RALGAPA1: variants seen among roughly 807,000 people sequenced by gnomAD.
RALGAPA1 encodes ral GTPase-activating protein subunit alpha-1.
In RALGAPA1, 52 loss-of-function variants were observed where a neutral mutation model predicts 269.6. The ratio of observed to expected loss-of-function variants is 0.19; its 90% CI spans 0.15 to 0.24. The LOEUF (loss-of-function observed/expected upper bound fraction) is 0.24. Ranked by LOEUF, RALGAPA1 falls within the 10% of genes least tolerant of loss-of-function variation. The probability of loss-of-function intolerance (pLI) is 1.00; values close to 1 mark genes in which losing one functional copy is unlikely to be tolerated. For synonymous variants in RALGAPA1, 817 were observed against 1,008.3 expected (o/e 0.81, Z 3.60); for missense variants, 1,917 against 3,013.9 (o/e 0.64, Z 8.52).
chr14:35,788,095 C>G (rs934443839), intron 1 of RALGAPA1, among the ~76,000 whole-genome samples: 3 of 152,096 alleles, frequency 2.0e-5, no homozygotes, highest in Admixed American at 1.3e-4. Context: ...CCTCAGCCTC[C>G]CGGGTAGCTG....
intron 21 of RALGAPA1, among the ~76,000 whole-genome samples, chr14:35,683,087 T>C (rs1003646870): frequency 6.6e-6 from 1 of 152,168 alleles, no homozygotes; most frequent in Non-Finnish European, 1.5e-5. Context: ...CTGGAGTGGA[T>C]AACCACTCAT....
chr14:35,716,253 C>T (rs1331259344), intron 16 of RALGAPA1: 6 of 179,926 alleles, frequency 3.3e-5, no homozygotes, highest in Admixed American at 6.5e-5. Context: ...ATTAGCTAGG[C>T]GTGGTGGTGT....
At chr14:35,557,314 A>AAAAC (rs2055720803) in intron 39 of RALGAPA1, among the ~76,000 whole-genome samples, 1 of 150,262 alleles carries the variant, frequency 6.7e-6, no homozygotes, top group African/African-American at 2.5e-5. Flanking sequence ...AAAAAAAAAA[A>AAAAC]CCCAAATAAG....
intron 1 of RALGAPA1, among the ~76,000 whole-genome samples, chr14:35,793,423 G>A (rs2076336500): frequency 6.6e-6 from 1 of 151,944 alleles, no homozygotes; most frequent in Non-Finnish European, 1.5e-5. Flanking sequence ...TTTTAGTAGA[G>A]ACAGGGTTTC....
chr14:35,558,516 G>T (rs1594569894), intron 39 of RALGAPA1, among the ~76,000 whole-genome samples: 1 of 152,128 alleles, frequency 6.6e-6, no homozygotes. Context: ...TAATCTGATG[G>T]GCTAAAAATA....
chr14:35,792,122 G>GTTTT (rs1179926534), intron 1 of RALGAPA1, among the ~76,000 whole-genome samples: 1 of 151,982 alleles, frequency 6.6e-6, no homozygotes, highest in Non-Finnish European at 1.5e-5. Flanking sequence ...ATAGGCAAAG[G>GTTTT]AAAGCCATAG....
At chr14:35,778,973 A>T (rs545764978) in intron 1 of RALGAPA1, among the ~76,000 whole-genome samples, 10 of 152,230 alleles carry the variant, frequency 6.6e-5, no homozygotes, top group Non-Finnish European at 1.5e-4. Flanking sequence ...CAGAGAGTCT[A>T]AGAAACTTAG....
intron 1 of RALGAPA1, among the ~76,000 whole-genome samples, chr14:35,785,652 G>A (rs933679572): frequency 5.3e-5 from 8 of 152,074 alleles, no homozygotes; most frequent in African/African-American, 1.9e-4. Flanking sequence ...AGTGCTTTAC[G>A]ACAAATGTAT....
intron 1 of RALGAPA1, among the ~76,000 whole-genome samples, chr14:35,790,387 T>C (rs1036212063): frequency 6.6e-6 from 1 of 152,144 alleles, no homozygotes; most frequent in African/African-American, 2.4e-5. Flanking sequence ...AGTACCATAG[T>C]GTTAGAAACC....
chr14:35,757,475 G>C (rs931902292), intron 6 of RALGAPA1, among the ~76,000 whole-genome samples: 1 of 152,028 alleles, frequency 6.6e-6, no homozygotes, highest in South Asian at 2.1e-4. Context: ...ATGTGACAAA[G>C]GGATGGACAG....
At position 35,539,396 on chromosome 14, in the gene RALGAPA1, T is replaced by G. The variant is rs2053763183; in HGVS notation, c.*318A>C. On this transcript the variant is annotated 3_prime_UTR_variant, in exon 42 of 42. Coordinates refer to ENST00000680220, the MANE Select transcript of RALGAPA1 (RefSeq NM_001346249.2). ...ATCTTTAATATTAAGCTACAAATTA[T>G]TTAAAATTATTTAAATCCAGTGTTT... is the stretch of plus-strand genomic sequence containing the variant. 1 of 677,538 alleles carries G rather than the reference T, an allele frequency of 1.5e-6. No homozygotes were observed. Among genetic ancestry groups the G allele is most frequent in the Non-Finnish European group, 2.2e-6 (1 of 455,870 alleles). The allele number at this position is 677,538 out of a possible 1,614,324, so 42.0% of individuals were successfully genotyped here.
chr14:35,632,981 C>A (rs2061446862), intron 33 of RALGAPA1, among the ~76,000 whole-genome samples: 1 of 152,164 alleles, frequency 6.6e-6, no homozygotes, highest in Admixed American at 6.5e-5. Context: ...GTCCTTAAAA[C>A]CTTTGAGGAA....
At chr14:35,696,548 G>C (rs933180761) in intron 17 of RALGAPA1, among the ~76,000 whole-genome samples, 7 of 151,428 alleles carry the variant, frequency 4.6e-5, no homozygotes, top group Admixed American at 4.6e-4. Flanking sequence ...AAAATGGGCT[G>C]GGAACAAATA....
At chr14:35,713,548 G>C (rs1378158262) in intron 16 of RALGAPA1, among the ~76,000 whole-genome samples, 1 of 152,066 alleles carries the variant, frequency 6.6e-6, no homozygotes, top group Non-Finnish European at 1.5e-5. Context: ...TGATGAGGAG[G>C]AATCCAAAGT....
chr14:35,571,140 C>G (rs2057155627), intron 38 of RALGAPA1, among the ~76,000 whole-genome samples: 2 of 152,176 alleles, frequency 1.3e-5, no homozygotes, highest in African/African-American at 4.8e-5. Flanking sequence ...TTTTGTGACA[C>G]TAGCTTTACT....
chr14:35,605,811 G>A, intron 35 of RALGAPA1, 102 bp from the exon 36 acceptor site: 1 of 1,350,488 alleles, frequency 7.4e-7, no homozygotes, highest in Non-Finnish European at 1.0e-6. Context: ...ATAAAAAGAT[G>A]AAAAAGAATT....
chr14:35,735,923 G>A (rs1377433735), intron 12 of RALGAPA1, among the ~76,000 whole-genome samples: 2 of 152,140 alleles, frequency 1.3e-5, no homozygotes, highest in Admixed American at 6.5e-5. Flanking sequence ...TGGCCTTATA[G>A]ACCATTATAA....
chr14:35,620,763 A>G (rs1186138133), intron 35 of RALGAPA1, among the ~76,000 whole-genome samples: 2 of 152,216 alleles, frequency 1.3e-5, no homozygotes, highest in African/African-American at 4.8e-5. Flanking sequence ...CCCATTCACA[A>G]TTGCTACAAA....
intron 30 of RALGAPA1, among the ~76,000 whole-genome samples, chr14:35,652,364 T>TTTTATATA (rs2062887052): frequency 6.8e-6 from 1 of 147,894 alleles, no homozygotes; most frequent in East Asian, 2.0e-4. Flanking sequence ...GGCCTTTTGT[T>TTTTATATA]TATATATATA....
Sources: gnomAD v4.1 joint callset for allele counts (sites outside exome capture counted in the v4.1 genomes callset) on GRCh38, gnomAD v4.1.1 for gene constraint, MANE v1.5 for transcripts, NCBI Gene and HGNC (gene_info 2026-07-23, HGNC 2026-07-21) for gene names.